The following ST3GAL3 variants were observed in gnomAD, a reference collection of about 807,000 sequenced individuals.
The protein encoded by ST3GAL3 is CMP-N-acetylneuraminate-beta-1,4-galactoside alpha-2,3-sialyltransferase.
Under a neutral mutation model 50.1 loss-of-function variants are expected in ST3GAL3, and 21 were observed. The observed-to-expected ratio is 0.42, with a 90% confidence interval of 0.30 to 0.60. The LOEUF (loss-of-function observed/expected upper bound fraction) is 0.60. Ranked by LOEUF, ST3GAL3 falls within the 20% of genes least tolerant of loss-of-function variation. The pLI, the probability that ST3GAL3 is intolerant of heterozygous loss-of-function variation, is 0.19. For synonymous variants in ST3GAL3, 183 were observed against 190.0 expected (o/e 0.96, Z 0.30); for missense variants, 353 against 489.4 (o/e 0.72, Z 2.63).
At chr1:43,917,916 C>CCT (rs1339774717) in intron 9 of ST3GAL3, among the ~76,000 whole-genome samples, 1 of 150,202 alleles carries the variant, frequency 6.7e-6, no homozygotes, top group Non-Finnish European at 1.5e-5. Context: ...GTGATCTGCC[C>CCT]CTCGGCCTCC....
intron 1 of ST3GAL3, among the ~76,000 whole-genome samples, chr1:43,734,576 C>T (rs1382472893): frequency 6.6e-6 from 1 of 152,160 alleles, no homozygotes; most frequent in African/African-American, 2.4e-5. Flanking sequence ...TACCAAAGTT[C>T]TGGGATTATA....
intron 2 of ST3GAL3, among the ~76,000 whole-genome samples, chr1:43,751,561 T>C (rs1056168679): frequency 2.0e-5 from 3 of 152,230 alleles, no homozygotes; most frequent in Admixed American, 6.5e-5. Context: ...TACATGAAGA[T>C]GGAAAGTATA....
In ST3GAL3 at chr1:43,879,274, G is replaced by A. The variant is rs544451324; in HGVS notation, c.303-15109G>A. Reference sequence around the variant, plus strand: ...GGGTGAGGAAGGAGGAGGATCTGGGGTGAGGTGAGACGTGAGCATTGGGCC... The same window carrying A: ...GGGTGAGGAAGGAGGAGGATCTGGGATGAGGTGAGACGTGAGCATTGGGCC... On this transcript the variant is annotated intron_variant, in intron 5 of 11. Transcript: ENST00000347631. The A allele has an allele frequency of 5.6e-4, 256 of 456,246 alleles. 2 individuals are homozygous for A. The highest frequency in any genetic ancestry group is 3.9e-3 in the South Asian group (250 of 64,548). The allele number at this position is 456,246 out of a possible 1,614,324, so 28.3% of individuals were successfully genotyped here. A position where few individuals can be genotyped will look rare whatever the true frequency, so the allele number is the denominator to read the frequency against.
At chr1:43,882,365 G>A (rs1011212360) in intron 5 of ST3GAL3, among the ~76,000 whole-genome samples, 4 of 152,210 alleles carry the variant, frequency 2.6e-5, no homozygotes, top group African/African-American at 9.7e-5. Context: ...GGTATCTGAG[G>A]CTGGAGAGGT....
intron 9 of ST3GAL3, among the ~76,000 whole-genome samples, chr1:43,905,689 T>G (rs866865046): frequency 7.5e-4 from 8 of 10,734 alleles, no homozygotes; most frequent in African/African-American, 3.5e-3. Flanking sequence ...TCCCCCTCCT[T>G]CTGCCCCCCT....
intron 9 of ST3GAL3, among the ~76,000 whole-genome samples, chr1:43,907,004 C>CT (rs1183944452): frequency 6.6e-6 from 1 of 152,148 alleles, no homozygotes; most frequent in Non-Finnish European, 1.5e-5. Flanking sequence ...GGTTAGAATC[C>CT]TCCATCAGTC....
intron 4 of ST3GAL3, among the ~76,000 whole-genome samples, chr1:43,826,673 A>G (rs995987761): frequency 2.0e-5 from 3 of 152,214 alleles, no homozygotes; most frequent in Non-Finnish European, 4.4e-5. Flanking sequence ...TCTCTCATGA[A>G]CATGCTCCAG....
chr1:43,870,380 G>GC (rs764352132), intron 5 of ST3GAL3, among the ~76,000 whole-genome samples: 3 of 152,234 alleles, frequency 2.0e-5, no homozygotes, highest in Non-Finnish European at 4.4e-5. Flanking sequence ...TGCTTAGGCC[G>GC]CCAGGCCGTC....
chr1:43,719,253 G>A (rs1426285685), intron 1 of ST3GAL3: 1 of 152,168 alleles, frequency 6.6e-6, no homozygotes, highest in Admixed American at 6.5e-5. Flanking sequence ...AAAGAAATAA[G>A]CACATAGAAA....
intron 1 of ST3GAL3, among the ~76,000 whole-genome samples, chr1:43,726,996 A>G (rs1673233814): frequency 2.0e-5 from 3 of 152,074 alleles, no homozygotes; most frequent in Non-Finnish European, 4.4e-5. Flanking sequence ...GTGATTTTCT[A>G]ATTACATTAT....
At chr1:43,891,323 A>G (rs1459726388) in intron 5 of ST3GAL3, among the ~76,000 whole-genome samples, 1 of 152,258 alleles carries the variant, frequency 6.6e-6, no homozygotes, top group Non-Finnish European at 1.5e-5. Context: ...TAATCCCAGC[A>G]CTTTGGGAGG....
chr1:43,871,176 C>G (rs1398810657), intron 5 of ST3GAL3, among the ~76,000 whole-genome samples: 2 of 152,320 alleles, frequency 1.3e-5, no homozygotes, highest in East Asian at 3.9e-4. Context: ...TCCCAGGACT[C>G]TCCTACATGT....
At chr1:43,845,564 T>C (rs1375499011) in intron 5 of ST3GAL3, among the ~76,000 whole-genome samples, 1 of 152,114 alleles carries the variant, frequency 6.6e-6, no homozygotes, top group Non-Finnish European at 1.5e-5. Context: ...TATCATTTTT[T>C]GTTGATCCTC....
Position 43,899,590 on chromosome 1 carries a change from A to T in ST3GAL3, c.607A>T (p.Thr203Ser), listed in dbSNP as rs1363218656. ...CTTTGAGAAGGACGTGGGCAGCAAA[A>T]CGACACTGCGCATCACCTACCCCGA... Reference protein sequence around the residue: ...KGFEKDVGSKTTLRITYPEGA... With the variant: ...KGFEKDVGSKSTLRITYPEGA... Residue 203 changes from threonine to serine, a missense_variant, in exon 9 of 12, where the codon ACG (threonine) becomes TCG (serine). Transcript: ENST00000347631. The surrounding 1 kb of genome is among the most constrained non-coding windows in gnomAD (Gnocchi z 5.4). The T allele has an allele frequency of 6.2e-7, 1 of 1,613,998 alleles. No individual in the cohort carries two copies.
chr1:43,798,759 T>A (rs2058980987), intron 3 of ST3GAL3, among the ~76,000 whole-genome samples: 1 of 152,320 alleles, frequency 6.6e-6, no homozygotes, highest in Admixed American at 6.5e-5. Flanking sequence ...ACTGTCAATC[T>A]CCCCTACTAA....
intron 5 of ST3GAL3, among the ~76,000 whole-genome samples, chr1:43,886,264 C>G (rs1213284267): frequency 2.6e-5 from 4 of 152,152 alleles, no homozygotes; most frequent in Non-Finnish European, 5.9e-5. Flanking sequence ...ACCTGTAGTT[C>G]CAGCTACTCG....
chr1:43,741,718 A>T (rs1681005106), intron 2 of ST3GAL3, among the ~76,000 whole-genome samples: 1 of 152,140 alleles, frequency 6.6e-6, no homozygotes, highest in Non-Finnish European at 1.5e-5. Flanking sequence ...TCTCTATAGG[A>T]AGCTATAAAA....
chr1:43,727,584 T>TG (rs370759288), intron 1 of ST3GAL3, among the ~76,000 whole-genome samples: 657 of 152,304 alleles, frequency 4.3e-3, no homozygotes, highest in Non-Finnish European at 7.4e-3. Context: ...GATGGCTGAG[T>TG]GGGACCAGCA....
intron 2 of ST3GAL3, 71 bp downstream of exon 2, chr1:43,736,451 T>A: frequency 6.2e-7 from 1 of 1,613,806 alleles, no homozygotes; most frequent in South Asian, 1.1e-5. Flanking sequence ...TTCGTGTGGC[T>A]GCGTCTCATA....
Sources: gnomAD v4.1 joint callset for allele counts (sites outside exome capture counted in the v4.1 genomes callset) on GRCh38, gnomAD v4.1.1 for gene constraint, Gnocchi (gnomAD v3.1) non-coding constraint, MANE v1.5 for transcripts, NCBI Gene and HGNC (gene_info 2026-07-23, HGNC 2026-07-21) for gene names.